Variants in CEP15 observed in about 807,000 individuals in gnomAD.
CEP15 encodes the protein centrosomal protein 15 kDa.
chr3:62,330,924 G>T, the CEP15 span, among the ~76,000 whole-genome samples: 11 of 152,092 alleles, frequency 7.2e-5, no homozygotes, highest in Admixed American at 4.6e-4. Context: ...CACAGGGTGG[G>T]TCTGAGTATC....
chr3:62,328,898 GTT>G, the CEP15 span, among the ~76,000 whole-genome samples: 37 of 131,648 alleles, frequency 2.8e-4, no homozygotes, highest in Admixed American at 3.9e-4. Flanking sequence ...AAATTGCGAA[GTT>G]TTTTTTTTTT....
the CEP15 span, chr3:62,319,076 G>C: frequency 6.6e-6 from 1 of 152,380 alleles, no homozygotes; most frequent in African/African-American, 2.4e-5. Context: ...TCGGACAGTG[G>C]GTGGGTGCCC....
chr3:62,327,127 G>C, the CEP15 span, among the ~76,000 whole-genome samples: 2 of 152,064 alleles, frequency 1.3e-5, no homozygotes, highest in Non-Finnish European at 2.9e-5. Flanking sequence ...TGTCCTATGC[G>C]TTTCCCAGTT....
the CEP15 span, among the ~76,000 whole-genome samples, chr3:62,328,759 A>T: frequency 2.7e-5 from 4 of 147,554 alleles, no homozygotes; most frequent in African/African-American, 9.7e-5. Flanking sequence ...CATGCCCTGC[A>T]CTTTGTTAGA....
At chr3:62,322,196 A>G in the CEP15 span, 3 of 850,998 alleles carry the variant, frequency 3.5e-6, no homozygotes, top group Admixed American at 2.9e-5. This position sits in a 1 kb window ranked among gnomAD's most constrained non-coding sequence, Gnocchi z 5.5. Flanking sequence ...TTAAAAGCCC[A>G]TGTCAGTTAG....
At chr3:62,334,716 A>G in the CEP15 span, 1 of 152,312 alleles carries the variant, frequency 6.6e-6, no homozygotes, top group Non-Finnish European at 1.5e-5. This position sits in a 1 kb window ranked among gnomAD's most constrained non-coding sequence, Gnocchi z 4.9. Context: ...CAGAGGAAGG[A>G]AGAAAAAAGA....
the CEP15 span, chr3:62,322,414 T>C: frequency 5.6e-6 from 1 of 179,918 alleles, no homozygotes; most frequent in Admixed American, 6.3e-5. This position sits in a 1 kb window ranked among gnomAD's most constrained non-coding sequence, Gnocchi z 5.5. Context: ...AAAGTACCTA[T>C]AAGATATTGA....
chr3:62,331,618 A>G, the CEP15 span, among the ~76,000 whole-genome samples: 1 of 152,134 alleles, frequency 6.6e-6, no homozygotes, highest in Admixed American at 6.6e-5. Flanking sequence ...GCAGTTGGAA[A>G]TTTTATAAAG....
At chr3:62,328,867 T>C in the CEP15 span, among the ~76,000 whole-genome samples, 1 of 151,734 alleles carries the variant, frequency 6.6e-6, no homozygotes, top group South Asian at 2.1e-4. Context: ...AGGGTATAAC[T>C]GGCTACAGAA....
At chr3:62,329,015 A>C in the CEP15 span, among the ~76,000 whole-genome samples, 1 of 152,018 alleles carries the variant, frequency 6.6e-6, no homozygotes, top group East Asian at 1.9e-4. Flanking sequence ...TCTTTAGAAA[A>C]ATGAATTGAT....
chr3:62,328,337 C>T, the CEP15 span, among the ~76,000 whole-genome samples: 1 of 152,204 alleles, frequency 6.6e-6, no homozygotes, highest in South Asian at 2.1e-4. Context: ...AATATGATTA[C>T]TGAGAATGGT....
chr3:62,335,735 A>G, the CEP15 span: 1 of 152,064 alleles, frequency 6.6e-6, no homozygotes, highest in Non-Finnish European at 1.5e-5. Flanking sequence ...CTATGAATTT[A>G]TGGTTTTTTT....
At chr3:62,319,575 A>T in the CEP15 span, 2 of 152,232 alleles carry the variant, frequency 1.3e-5, no homozygotes, top group African/African-American at 4.8e-5. Context: ...TACACTCAAT[A>T]AGCGTGGGCT....
At chr3:62,327,595 C>T in the CEP15 span, among the ~76,000 whole-genome samples, 1 of 152,164 alleles carries the variant, frequency 6.6e-6, no homozygotes, top group Non-Finnish European at 1.5e-5. Flanking sequence ...CATTGATGAT[C>T]ATTGCCTAGA....
chr3:62,328,764 G>A, the CEP15 span, among the ~76,000 whole-genome samples: 446 of 144,502 alleles, frequency 3.1e-3, 3 homozygotes, highest in African/African-American at 0.01. Flanking sequence ...CCTGCACTTT[G>A]TTAGATACTC....
the CEP15 span, chr3:62,322,133 A>T: frequency 7.0e-7 from 1 of 1,427,840 alleles, no homozygotes; most frequent in Non-Finnish European, 9.6e-7. The surrounding 1 kb of genome is among the most constrained non-coding windows in gnomAD (Gnocchi z 5.5). Context: ...AAATTGATTT[A>T]TATAACTTAT....
chr3:62,320,418 T>G, the CEP15 span: 1 of 1,427,344 alleles, frequency 7.0e-7, no homozygotes. Context: ...GCTGAGGACA[T>G]GTGGTAGAAG....
chr3:62,329,416 T>G, the CEP15 span, among the ~76,000 whole-genome samples: 2 of 152,052 alleles, frequency 1.3e-5, no homozygotes, highest in African/African-American at 4.8e-5. Flanking sequence ...TTGAGAGAGA[T>G]AAGGTAAAAA....
chr3:62,323,563 A>T, the CEP15 span, among the ~76,000 whole-genome samples: 7 of 152,316 alleles, frequency 4.6e-5, no homozygotes, highest in African/African-American at 1.7e-4. Context: ...GACTAAGCAA[A>T]AGGAAAATAT....
Sources: allele counts gnomAD v4.1 joint callset (sites outside exome capture counted in the v4.1 genomes callset), GRCh38; gene constraint gnomAD v4.1.1; non-coding constraint Gnocchi (gnomAD v3.1); transcripts MANE v1.5; gene names NCBI Gene and HGNC (gene_info 2026-07-23, HGNC 2026-07-21).